The following PCDHGA5 variants were observed in gnomAD, a reference collection of about 807,000 sequenced individuals.
The protein encoded by PCDHGA5 is protocadherin gamma subfamily A, 5.
Under a neutral mutation model 56.7 loss-of-function variants are expected in PCDHGA5, and 36 were observed. That is an observed-to-expected ratio of 0.64 (90% CI 0.49 to 0.84). The LOEUF (loss-of-function observed/expected upper bound fraction) is 0.84, where lower values mean the gene tolerates loss of function less well. PCDHGA5 is among the 40% of genes least tolerant of loss of function. The pLI is 0.00. For synonymous variants in PCDHGA5, 563 were observed against 520.2 expected, an observed-to-expected ratio of 1.08 and a Z score of -1.12; for missense variants, 1,305 against 1,201.5, an observed-to-expected ratio of 1.09 and a Z score of -1.27.
intron 1 of PCDHGA5, among the ~76,000 whole-genome samples, chr5:141,369,204 G>A (rs970193289): frequency 3.3e-5 from 5 of 152,182 alleles, no homozygotes; most frequent in Non-Finnish European, 7.4e-5. Context: ...ATGGTAAACT[G>A]GGGACCAAGG....
In PCDHGA5 at chr5:141,476,476, C is replaced by T; in HGVS notation, c.2422-18331C>T. 6.2e-7 allele frequency: 1 copy of T among 1,613,986 alleles called. No homozygotes were observed. The highest frequency in any genetic ancestry group is 8.5e-7 in the Non-Finnish European group (1 of 1,179,992). On this transcript the variant is annotated intron_variant, in intron 1 of 3. Transcript: ENST00000518069. The surrounding 1 kb of genome is among the most constrained non-coding windows in gnomAD (Gnocchi z 7.6). Reference sequence around the variant, plus strand: ...TGGAGAACCCGCTGGAGCTGTTCAGCGTGGAAGTGGTGATCCAGGACATCA... The same window carrying T: ...TGGAGAACCCGCTGGAGCTGTTCAGTGTGGAAGTGGTGATCCAGGACATCA...
At chr5:141,463,103 A>G (rs1235750988) in intron 1 of PCDHGA5, among the ~76,000 whole-genome samples, 1 of 152,206 alleles carries the variant, frequency 6.6e-6, no homozygotes, top group African/African-American at 2.4e-5. Context: ...GTGACCATCA[A>G]GAATTCAGCT....
intron 1 of PCDHGA5, among the ~76,000 whole-genome samples, chr5:141,464,426 GAT>G (rs1287556960): frequency 6.6e-6 from 1 of 151,096 alleles, no homozygotes; most frequent in African/African-American, 2.4e-5. Context: ...TATATATATA[GAT>G]ATATATGTTT....
intron 1 of PCDHGA5, chr5:141,394,873 C>T (rs376612124): frequency 6.8e-6 from 11 of 1,613,708 alleles, no homozygotes; most frequent in Non-Finnish European, 8.5e-6. Context: ...CCGAACGATT[C>T]GAGCCTTACA....
chr5:141,366,456 T>A lies in PCDHGA5; in HGVS notation c.2126T>A (p.Ile709Asn). 1 of 1,614,224 alleles carries A rather than the reference T, an allele frequency of 6.2e-7. No homozygotes were observed. The highest frequency in any genetic ancestry group is 8.5e-7 in the Non-Finnish European group (1 of 1,180,050). ...TCCTGCGTCTTCCTGGCCTTCGTCA[T>A]CGTGCTGCTGGTGCTCAGACTGAGG... is the stretch of plus-strand genomic sequence containing the variant. ...AVSCVFLAFV[I>N]VLLVLRLRRW... Residue 709 changes from isoleucine to asparagine, a missense_variant, in exon 1 of 4, where the codon ATC (isoleucine) becomes AAC (asparagine). Physicochemically the swap from Ile to Asn is moderately radical, Grantham distance 149 (BLOSUM62 -3). Transcript: ENST00000518069.
chr5:141,444,376 G>A (rs977995642), intron 1 of PCDHGA5, among the ~76,000 whole-genome samples: 1 of 151,796 alleles, frequency 6.6e-6, no homozygotes, highest in Non-Finnish European at 1.5e-5. Flanking sequence ...TCTCCATGTT[G>A]GTCAGGCTAG....
chr5:141,393,043 T>C (rs770560068), intron 1 of PCDHGA5: 1 of 1,613,732 alleles, frequency 6.2e-7, no homozygotes, highest in South Asian at 1.1e-5. Context: ...CTCTTTGCTC[T>C]GAACCCGCGC....
Position 141,478,120 on chromosome 5 carries a change from G to A in PCDHGA5, c.2422-16687G>A, listed in dbSNP as rs772548778. 3.1e-6 allele frequency: 5 copies of A among 1,613,948 alleles called. No homozygotes were observed. In the Admixed American group the frequency reaches 6.7e-5, roughly 22 times the overall value. ...CTACCCTCACTGTGTCAGTAACCGA[G>A]GACTCTCCTGAAGCCCGAGCCGAGT... On this transcript the variant is annotated intron_variant, in intron 1 of 3. Coordinates refer to ENST00000518069, the MANE Select transcript of PCDHGA5 (RefSeq NM_018918.3).
At chr5:141,394,326 A>G in intron 1 of PCDHGA5, 1 of 1,613,902 alleles carries the variant, frequency 6.2e-7, no homozygotes, top group Non-Finnish European at 8.5e-7. Flanking sequence ...GTCCTCGTAT[A>G]TCTCCATCAA....
chr5:141,395,420 T>A, intron 1 of PCDHGA5: 1 of 771,734 alleles, frequency 1.3e-6, no homozygotes, highest in Non-Finnish European at 2.0e-6. Flanking sequence ...ATTGTTTCAT[T>A]TGCTTTTAAA....
chr5:141,383,388 C>A (rs764387936), intron 1 of PCDHGA5: 106 of 1,613,860 alleles, frequency 6.6e-5, no homozygotes, highest in Non-Finnish European at 8.6e-5. Flanking sequence ...CAGATGTGGG[C>A]ACGAACTCCC....
chr5:141,393,865 C>G lies in PCDHGA5; in HGVS notation c.2421+27114C>G, dbSNP rs770874961. The G allele has an allele frequency of 4.3e-6, 7 of 1,613,838 alleles. No individual in the cohort carries two copies. In the African/African-American group the frequency reaches 8.0e-5, roughly 18 times the overall value. ...AATAGACCAGAAGTGATCATTACGT[C>G]TTTGTTTAGCCCAGTGTTAGAAAAT... On this transcript the variant is annotated intron_variant, in intron 1 of 3. Transcript: ENST00000518069.
intron 1 of PCDHGA5, chr5:141,390,193 A>G (rs1189352664): frequency 6.2e-7 from 1 of 1,614,060 alleles, no homozygotes; most frequent in African/African-American, 1.3e-5. Context: ...TGTAGTGAGC[A>G]GTTGAGTTCA....
At chr5:141,370,324 C>T (rs1766812702) in intron 1 of PCDHGA5, 1 of 1,378,622 alleles carries the variant, frequency 7.3e-7, no homozygotes, top group African/African-American at 1.4e-5. Flanking sequence ...TGGTCCTGCT[C>T]GGAGAACTCT....
chr5:141,485,118 G>C lies in PCDHGA5; in HGVS notation c.2422-9689G>C, dbSNP rs547390669. 1 of 1,331,536 alleles carries C rather than the reference G, an allele frequency of 7.5e-7. No homozygotes were observed. Among genetic ancestry groups the C allele is most frequent in the East Asian group, 2.3e-5 (1 of 43,534 alleles). The allele number at this position is 1,331,536 out of a possible 1,614,324, so 82.5% of individuals were successfully genotyped here. On this transcript the variant is annotated intron_variant, in intron 1 of 3. Coordinates refer to ENST00000518069, the MANE Select transcript of PCDHGA5 (RefSeq NM_018918.3). The surrounding 1 kb of genome is among the most constrained non-coding windows in gnomAD (Gnocchi z 5.7). ...TCTCCAGCTGCTGTGGCTGTTTGGG[G>C]CGGGTCGGCTTCATCCGCGTCTCAG...
At chr5:141,455,842 C>T (rs1224197325) in intron 1 of PCDHGA5, among the ~76,000 whole-genome samples, 1 of 150,876 alleles carries the variant, frequency 6.6e-6, no homozygotes, top group Non-Finnish European at 1.5e-5. Context: ...TGTCTATCTG[C>T]ATAAAATAAT....
rs746594585 is a variant in PCDHGA5, at chr5:141,366,287, C to T, written c.1957C>T (p.Pro653Ser). The part of the protein sequence containing the change: ...VVAVEDHGQP[P>S]LSATFTVTVA... ...GGCCGTCGAAGACCATGGCCAGCCC[C>T]CTCTGTCAGCCACCTTCACGGTCAC... Residue 653 changes from proline (P) to serine (S), a missense_variant, in exon 1 of 4, where the codon CCT (proline) becomes TCT (serine). Coordinates refer to ENST00000518069, the MANE Select transcript of PCDHGA5 (RefSeq NM_018918.3). 5.0e-6 allele frequency: 8 copies of T among 1,613,620 alleles called. No individual in the cohort carries two copies. Among genetic ancestry groups the T allele is most frequent in the Admixed American group, 1.7e-5 (1 of 60,016 alleles).
intron 1 of PCDHGA5, among the ~76,000 whole-genome samples, chr5:141,386,669 A>T (rs774102519): frequency 4.6e-5 from 7 of 152,086 alleles, no homozygotes; most frequent in Admixed American, 1.3e-4. Flanking sequence ...CAGTGTTCAC[A>T]TTTCAGATGT....
intron 1 of PCDHGA5, chr5:141,389,435 C>T (rs1403223210): frequency 8.1e-6 from 13 of 1,610,504 alleles, no homozygotes. Flanking sequence ...CGCAGCGCGC[C>T]TTCGACCACG....
Sources: gnomAD v4.1 joint callset for allele counts (sites outside exome capture counted in the v4.1 genomes callset) on GRCh38, gnomAD v4.1.1 for gene constraint, Gnocchi (gnomAD v3.1) non-coding constraint, MANE v1.5 for transcripts, NCBI Gene and HGNC (gene_info 2026-07-23, HGNC 2026-07-21) for gene names.